The following SLC39A11 variants were observed in gnomAD, a reference collection of about 807,000 sequenced individuals.
The protein encoded by SLC39A11 is zinc transporter ZIP11.
In SLC39A11, 33 loss-of-function variants were observed where a neutral mutation model predicts 36.1. The observed-to-expected ratio is 0.91, with a 90% confidence interval of 0.69 to 1.22. The LOEUF is 1.22. Among genes scored for constraint, SLC39A11 ranks in the 50% most tolerant of loss-of-function variants. The pLI is 0.00. For missense variants in SLC39A11, 432 were observed against 430.3 expected (o/e 1.00, Z -0.03); for synonymous variants, 166 against 170.3 (o/e 0.97, Z 0.20).
chr17:73,066,767 G>A (rs1267317362), intron 3 of SLC39A11, among the ~76,000 whole-genome samples: 1 of 152,156 alleles, frequency 6.6e-6, no homozygotes, highest in African/African-American at 2.4e-5. Flanking sequence ...ACCAGGTGCT[G>A]GTGACATCCT....
chr17:72,896,144 G>A lies in SLC39A11; in HGVS notation c.431-46340C>T, dbSNP rs144921704. 6.3e-3 allele frequency among the ~76,000 whole-genome samples: 917 copies of A among 144,494 alleles called. 13 individuals carry two copies. Among genetic ancestry groups the A allele is most frequent in the African/African-American group, 0.022 (865 of 39,002 alleles). 94.8% of individuals were successfully genotyped at this position (144,494 alleles called of 152,430 possible). ...CAACAAATTTTCAAAAATGTATAACGTAATCTAAAACCAAAAAGAGAACAT... is the reference window on the plus strand; with the variant it reads ...CAACAAATTTTCAAAAATGTATAACATAATCTAAAACCAAAAAGAGAACAT... On this transcript the variant is annotated intron_variant, in intron 5 of 9. Coordinates refer to ENST00000255559, the MANE Select transcript of SLC39A11 (RefSeq NM_139177.4).
At chr17:72,717,659 G>A (rs557324295) in intron 7 of SLC39A11, among the ~76,000 whole-genome samples, 2 of 152,316 alleles carry the variant, frequency 1.3e-5, no homozygotes, top group Admixed American at 6.5e-5. Flanking sequence ...AATCCAGTAC[G>A]AGCTGATCTT....
At chr17:72,963,320 G>A (rs898350105) in intron 4 of SLC39A11, among the ~76,000 whole-genome samples, 9 of 151,618 alleles carry the variant, frequency 5.9e-5, no homozygotes, top group Admixed American at 1.3e-4. Flanking sequence ...ACAGGCGCCC[G>A]CCACCACGCC....
At chr17:72,680,677 G>A (rs926279034) in intron 7 of SLC39A11, among the ~76,000 whole-genome samples, 1 of 152,170 alleles carries the variant, frequency 6.6e-6, no homozygotes, top group African/African-American at 2.4e-5. Context: ...GTAGTGTGAG[G>A]ATAGACTAAT....
In SLC39A11 at chr17:73,023,293, A is replaced by AC. The variant is rs149134508; in HGVS notation, c.306+8262dup. ...CCAAAATCCATGTATCAAAGCTCTAACCCCCTATACTTTATAATGTGACTG... is the reference window on the plus strand; with the variant it reads ...CCAAAATCCATGTATCAAAGCTCTAACCCCCCTATACTTTATAATGTGACTG... On this transcript the variant is annotated intron_variant, in intron 4 of 9. Coordinates refer to ENST00000255559, the MANE Select transcript of SLC39A11 (RefSeq NM_139177.4). Among the ~76,000 whole-genome samples the AC allele has an allele frequency of 3.4e-3, 513 of 152,104 alleles. 7 individuals are homozygous for AC. In the South Asian group the frequency reaches 0.041, roughly 12 times the overall value.
chr17:72,708,325 G>A (rs143937831), intron 7 of SLC39A11, among the ~76,000 whole-genome samples: 65 of 152,250 alleles, frequency 4.3e-4, no homozygotes, highest in African/African-American at 1.5e-3. Flanking sequence ...CAAAAAGACT[G>A]ATCCACCACC....
intron 7 of SLC39A11, among the ~76,000 whole-genome samples, chr17:72,717,197 G>C (rs1052310341): frequency 6.6e-6 from 1 of 150,484 alleles, no homozygotes; most frequent in Non-Finnish European, 1.5e-5. Flanking sequence ...AATTTAAAAA[G>C]AGGAAAAAAA....
At chr17:72,817,708 T>C (rs1290649871) in intron 6 of SLC39A11, among the ~76,000 whole-genome samples, 2 of 152,156 alleles carry the variant, frequency 1.3e-5, no homozygotes, top group Admixed American at 1.3e-4. Flanking sequence ...CTATTTCCCT[T>C]TACCTTCCAC....
At chr17:72,848,717 T>C (rs1483389960) in intron 6 of SLC39A11, among the ~76,000 whole-genome samples, 5 of 111,656 alleles carry the variant, frequency 4.5e-5, no homozygotes, top group Non-Finnish European at 1.1e-4. Context: ...CAAGACTCTG[T>C]CTTAAAAAAA....
chr17:72,763,341 G>T (rs535672593), intron 6 of SLC39A11, among the ~76,000 whole-genome samples: 1 of 152,230 alleles, frequency 6.6e-6, no homozygotes, highest in East Asian at 1.9e-4. Flanking sequence ...CTACAAAACA[G>T]GAATTTCCTA....
At chr17:72,890,936 A>G (rs1437180031) in intron 5 of SLC39A11, among the ~76,000 whole-genome samples, 4 of 152,208 alleles carry the variant, frequency 2.6e-5, no homozygotes, top group African/African-American at 9.7e-5. Flanking sequence ...TGAGAATTTC[A>G]GCAAAATCAT....
Position 72,742,384 on chromosome 17 carries a change from G to A in SLC39A11, c.602-5665C>T, listed in dbSNP as rs934197297. On this transcript the variant is annotated intron_variant, in intron 6 of 9. Transcript: ENST00000255559. ...CCATGGTCATGAGAATATGAACTTC[G>A]AGAACATCTGACCTGCTGCCACCTG... Among the ~76,000 whole-genome samples, 24 of 152,208 alleles carry A rather than the reference G, an allele frequency of 1.6e-4. 1 individual carries two copies. The highest frequency in any genetic ancestry group is 2.1e-4 in the South Asian group (1 of 4,818).
intron 5 of SLC39A11, among the ~76,000 whole-genome samples, chr17:72,876,865 C>T (rs1383736726): frequency 6.6e-6 from 1 of 152,216 alleles, no homozygotes; most frequent in Non-Finnish European, 1.5e-5. Context: ...GATTGGCTTT[C>T]TGTGCAGCAA....
intron 3 of SLC39A11, among the ~76,000 whole-genome samples, chr17:73,032,485 G>T (rs1179171108): frequency 6.6e-6 from 1 of 152,176 alleles, no homozygotes; most frequent in Non-Finnish European, 1.5e-5. Flanking sequence ...GGGATTAAAG[G>T]TGTGAGCCAC....
intron 4 of SLC39A11, among the ~76,000 whole-genome samples, chr17:72,976,160 A>G (rs1598680462): frequency 9.7e-6 from 1 of 103,096 alleles, no homozygotes; most frequent in South Asian, 3.9e-4. Context: ...ACAGAGCGCG[A>G]CTCCATCTCA....
At chr17:72,973,583 G>A (rs1029233739) in intron 4 of SLC39A11, among the ~76,000 whole-genome samples, 6 of 152,092 alleles carry the variant, frequency 3.9e-5, no homozygotes, top group African/African-American at 1.4e-4. Context: ...TTTTGAGACA[G>A]GGTCTCACTC....
At chr17:72,798,998 GT>G (rs1258476290) in intron 6 of SLC39A11, among the ~76,000 whole-genome samples, 1 of 151,280 alleles carries the variant, frequency 6.6e-6, no homozygotes, top group East Asian at 1.9e-4. Flanking sequence ...AGGACCATGG[GT>G]TGGTGGAGGA....
At chr17:72,910,523 C>T (rs1317385676) in intron 5 of SLC39A11, among the ~76,000 whole-genome samples, 2 of 147,366 alleles carry the variant, frequency 1.4e-5, no homozygotes, top group African/African-American at 5.1e-5. Context: ...ACTCAGGAGG[C>T]TGAGGTGCGA....
chr17:72,717,482 G>A (rs1296464803), intron 7 of SLC39A11, among the ~76,000 whole-genome samples: 1 of 152,134 alleles, frequency 6.6e-6, no homozygotes, highest in Non-Finnish European at 1.5e-5. Flanking sequence ...GCACTTGGTG[G>A]CATTCCCCAG....
Sources: gnomAD v4.1 joint callset for allele counts (sites outside exome capture counted in the v4.1 genomes callset) on GRCh38, gnomAD v4.1.1 for gene constraint, MANE v1.5 for transcripts, NCBI Gene and HGNC (gene_info 2026-07-23, HGNC 2026-07-21) for gene names.